RABGEF1: variants seen among roughly 807,000 people sequenced by gnomAD.
The protein encoded by RABGEF1 is RAB guanine nucleotide exchange factor 1.
In RABGEF1, 26 loss-of-function variants were observed where a neutral mutation model predicts 57.3. The observed-to-expected ratio is 0.45, with a 90% CI of 0.33 to 0.63. The LOEUF is 0.63. RABGEF1 is among the 20% of genes least tolerant of loss of function. The pLI is 0.02. For missense variants in RABGEF1, 464 were observed against 607.6 expected, an observed-to-expected ratio of 0.76 and a Z score of 2.48; for synonymous variants, 185 against 210.7, an observed-to-expected ratio of 0.88 and a Z score of 1.06.
intron 1 of RABGEF1, among the ~76,000 whole-genome samples, chr7:66,705,443 A>AAG (rs57856916): frequency 0.16 from 10,355 of 64,288 alleles, 847 homozygotes; most frequent in Non-Finnish European, 0.2. Context: ...TCTCGAAAGA[A>AAG]AGAGAGAGAG....
In RABGEF1 at chr7:66,763,271, C is replaced by T. The variant is rs920285154; in HGVS notation, c.-17-8612C>T. 2.0e-5 allele frequency among the ~76,000 whole-genome samples: 3 copies of T among 152,196 alleles called. No homozygotes were observed. The East Asian group carries it at 5.8e-4, about 29-fold the overall frequency. ...AGGTCAGAATTAAGCATCGGCCAGCCTGGGTTTTTATTTGGAGGTGATAGA... is the reference window on the plus strand; with the variant it reads ...AGGTCAGAATTAAGCATCGGCCAGCTTGGGTTTTTATTTGGAGGTGATAGA... On this transcript the variant is annotated intron_variant, in intron 1 of 8. Transcript: ENST00000284957.
intron 5 of RABGEF1, among the ~76,000 whole-genome samples, chr7:66,796,122 T>C (rs186964768): frequency 6.6e-6 from 1 of 152,082 alleles, no homozygotes; most frequent in East Asian, 1.9e-4. Flanking sequence ...GGGCAACAGA[T>C]CGAGACTCTG....
chr7:66,801,715 C>G (rs1787327849), intron 7 of RABGEF1, among the ~76,000 whole-genome samples: 1 of 152,118 alleles, frequency 6.6e-6, no homozygotes, highest in Admixed American at 6.5e-5. Flanking sequence ...TGACTGGATC[C>G]CATTCTGAAT....
chr7:66,795,512 A>T lies in RABGEF1; in HGVS notation c.515A>T (p.Asp172Val), dbSNP rs755705009. 1.9e-5 allele frequency: 31 copies of T among 1,606,514 alleles called. No individual in the cohort carries two copies. Among genetic ancestry groups the T allele is most frequent in the Non-Finnish European group, 2.2e-5 (26 of 1,173,228 alleles). ...LFLEGMHYKR[D>V]LSIEEQSECA... ...AGCCTCTTTGTCTCTCTGTTTCAGG[A>T]TCTAAGCATTGAAGAACAGTCAGAG... is the stretch of plus-strand genomic sequence containing the variant. Residue 172 changes from aspartate to valine, a missense_variant and splice_region_variant, in exon 5 of 9, where the codon GAT becomes GTT. By Grantham distance (152) the Asp-to-Val change is radical. Coordinates refer to ENST00000284957, the MANE Select transcript of RABGEF1 (RefSeq NM_014504.3).
intron 2 of RABGEF1, among the ~76,000 whole-genome samples, chr7:66,725,201 T>C (rs1419790211): frequency 3.3e-5 from 5 of 152,222 alleles, no homozygotes; most frequent in Non-Finnish European, 7.3e-5. Context: ...TTTATCAAGA[T>C]ACACTTTACT....
chr7:66,763,343 T>C (rs1804916322), intron 1 of RABGEF1, among the ~76,000 whole-genome samples: 2 of 152,244 alleles, frequency 1.3e-5, no homozygotes, highest in Admixed American at 6.5e-5. Flanking sequence ...TTCATTTTCA[T>C]GTGGTGAAGG....
chr7:66,779,376 T>C (rs1809316030), intron 3 of RABGEF1, among the ~76,000 whole-genome samples: 2 of 151,752 alleles, frequency 1.3e-5, no homozygotes, highest in Non-Finnish European at 2.9e-5. Flanking sequence ...TGGTGGCACG[T>C]GCCTGCAATC....
chr7:66,656,300 A>C, the RABGEF1 span, among the ~76,000 whole-genome samples: 2 of 152,040 alleles, frequency 1.3e-5, no homozygotes, highest in South Asian at 4.2e-4. Flanking sequence ...AATATTTTGT[A>C]AAGATGGAGT....
chr7:66,690,100 CTTTTTTTT>C (rs892888858), intron 1 of RABGEF1, among the ~76,000 whole-genome samples: 2 of 124,214 alleles, frequency 1.6e-5, no homozygotes, highest in Non-Finnish European at 3.4e-5. Flanking sequence ...ATAAAAAATT[CTTTTTTTT>C]TTTTTTTTTT....
intron 4 of RABGEF1, 131 bp downstream of exon 4, chr7:66,783,972 A>G (rs1037269358): frequency 8.0e-6 from 7 of 876,846 alleles, no homozygotes; most frequent in Non-Finnish European, 1.1e-5. Context: ...TTACTTACCT[A>G]AGAAAAGCCT....
intron 3 of RABGEF1, among the ~76,000 whole-genome samples, chr7:66,780,167 T>C (rs1233464080): frequency 3.9e-5 from 6 of 152,194 alleles, no homozygotes; most frequent in Non-Finnish European, 8.8e-5. Context: ...TGTACAGACC[T>C]CCAAAGTCAG....
intron 2 of RABGEF1, among the ~76,000 whole-genome samples, chr7:66,729,661 A>G (rs1455108330): frequency 6.6e-6 from 1 of 152,044 alleles, no homozygotes; most frequent in African/African-American, 2.4e-5. Context: ...TAACTCCACC[A>G]TCATCACTGC....
At chr7:66,676,519 T>G in the RABGEF1 span, among the ~76,000 whole-genome samples, 1 of 152,212 alleles carries the variant, frequency 6.6e-6, no homozygotes, top group Non-Finnish European at 1.5e-5. Flanking sequence ...AATCCATGTA[T>G]GAGTGGACCT....
chr7:66,687,554 C>G (rs963262031), intron 1 of RABGEF1, among the ~76,000 whole-genome samples: 3 of 151,568 alleles, frequency 2.0e-5, no homozygotes, highest in Admixed American at 6.6e-5. Context: ...TGGCATGTTC[C>G]TGCAGTCCAA....
At chr7:66,730,152 GAGAGTGCAAC>G (rs1249566822) in intron 2 of RABGEF1, among the ~76,000 whole-genome samples, 1 of 152,174 alleles carries the variant, frequency 6.6e-6, no homozygotes, top group Non-Finnish European at 1.5e-5. Context: ...CACGTCCACG[GAGAGTGCAAC>G]AGGGTGCAAG....
chr7:66,718,984 A>T (rs537895413), intron 2 of RABGEF1, among the ~76,000 whole-genome samples: 23 of 152,352 alleles, frequency 1.5e-4, no homozygotes, highest in Middle Eastern at 3.4e-3. Flanking sequence ...TTCAGTGCCA[A>T]GTGGCAAGAG....
chr7:66,666,417 A>AG, the RABGEF1 span: 24 of 152,420 alleles, frequency 1.6e-4, no homozygotes, highest in African/African-American at 5.3e-4. Context: ...TAGCCTAGTC[A>AG]GGGCCTGGTG....
At chr7:66,747,084 G>A (rs1483319435) in intron 1 of RABGEF1, among the ~76,000 whole-genome samples, 6 of 152,120 alleles carry the variant, frequency 3.9e-5, no homozygotes, top group African/African-American at 1.2e-4. Flanking sequence ...GTGAGCTACC[G>A]TGCCCGGCCC....
At chr7:66,658,173 C>T in the RABGEF1 span, among the ~76,000 whole-genome samples, 1,480 of 152,158 alleles carry the variant, frequency 9.7e-3, 11 homozygotes, top group Non-Finnish European at 0.016. Flanking sequence ...AATTGAATAA[C>T]CAAATGAAAT....
Sources: gnomAD v4.1 joint callset for allele counts (sites outside exome capture counted in the v4.1 genomes callset) on GRCh38, gnomAD v4.1.1 for gene constraint, MANE v1.5 for transcripts, NCBI Gene and HGNC (gene_info 2026-07-23, HGNC 2026-07-21) for gene names.